Variants in CACNA2D3 observed in about 807,000 individuals in gnomAD.
CACNA2D3 encodes calcium voltage-gated channel auxiliary subunit alpha2delta 3.
CACNA2D3 carries 60 observed loss-of-function variants against 160.6 expected under a neutral mutation model. The observed-to-expected ratio is 0.37, with a 90% confidence interval of 0.30 to 0.46. The LOEUF is 0.46. Ranked by LOEUF, CACNA2D3 falls within the 20% of genes least tolerant of loss-of-function variation. The pLI is 1.00. For synonymous variants in CACNA2D3, 558 were observed against 492.9 expected (o/e 1.13, Z -1.75); for missense variants, 1,205 against 1,365.0 (o/e 0.88, Z 1.85).
chr3:54,878,337 C>G (rs1485511961), intron 18 of CACNA2D3, among the ~76,000 whole-genome samples: 1 of 152,190 alleles, frequency 6.6e-6, no homozygotes, highest in African/African-American at 2.4e-5. Context: ...ACTGCGTCTG[C>G]TGTCCTCCTC....
intron 14 of CACNA2D3, among the ~76,000 whole-genome samples, chr3:54,823,735 T>TTG (rs1036458509): frequency 6.6e-6 from 1 of 152,096 alleles, no homozygotes; most frequent in African/African-American, 2.4e-5. Context: ...TATGCTCCTG[T>TTG]TGTGTGTGTG....
chr3:54,485,359 G>C (rs145399153), intron 4 of CACNA2D3, among the ~76,000 whole-genome samples: 33 of 152,132 alleles, frequency 2.2e-4, no homozygotes, highest in African/African-American at 8.0e-4. Context: ...AGGAAGTCTA[G>C]TTATTGGACA....
intron 9 of CACNA2D3, among the ~76,000 whole-genome samples, chr3:54,600,082 A>G (rs1371152858): frequency 6.6e-6 from 1 of 152,134 alleles, no homozygotes; most frequent in East Asian, 1.9e-4. Context: ...GGCATTTCCC[A>G]GGAAGGAGCT....
At chr3:54,486,632 T>G (rs944321739) in intron 4 of CACNA2D3, among the ~76,000 whole-genome samples, 6 of 152,188 alleles carry the variant, frequency 3.9e-5, no homozygotes, top group Non-Finnish European at 8.8e-5. Context: ...CTCAGAAGAA[T>G]GATCTCTGTG....
At chr3:54,380,638 C>T (rs575801148) in intron 3 of CACNA2D3, among the ~76,000 whole-genome samples, 75 of 151,890 alleles carry the variant, frequency 4.9e-4, no homozygotes, top group Non-Finnish European at 8.8e-4. Flanking sequence ...CTCGGGAGGC[C>T]GAGGCAGGAG....
At chr3:54,970,449 C>CCTCTCCTCTGCT (rs1702245236) in intron 29 of CACNA2D3, among the ~76,000 whole-genome samples, 1 of 57,348 alleles carries the variant, frequency 1.7e-5, no homozygotes, top group African/African-American at 6.6e-5. Flanking sequence ...CCTCCCCTCC[C>CCTCTCCTCTGCT]CTCCTCTCCT....
chr3:54,799,723 G>T (rs2106667404), intron 13 of CACNA2D3, among the ~76,000 whole-genome samples: 1 of 152,240 alleles, frequency 6.6e-6, no homozygotes, highest in Admixed American at 6.5e-5. Context: ...GTTTTCCTTG[G>T]AGGACCATTC....
At chr3:54,962,676 G>A (rs753081639) in intron 27 of CACNA2D3, among the ~76,000 whole-genome samples, 6 of 152,142 alleles carry the variant, frequency 3.9e-5, no homozygotes, top group East Asian at 3.9e-4. Context: ...ATCAGTTCTC[G>A]CAGCAAAACA....
intron 11 of CACNA2D3, among the ~76,000 whole-genome samples, chr3:54,719,809 C>A (rs1406565243): frequency 6.6e-6 from 1 of 151,974 alleles, no homozygotes; most frequent in Non-Finnish European, 1.5e-5. Flanking sequence ...GTTATAGATT[C>A]AATCACTTTA....
intron 26 of CACNA2D3, among the ~76,000 whole-genome samples, chr3:54,899,009 C>G (rs1281579274): frequency 6.6e-6 from 1 of 152,136 alleles, no homozygotes. Context: ...TTTCTCATTA[C>G]TTTGGTCCTA....
At chr3:54,174,430 T>C (rs1247916728) in intron 2 of CACNA2D3, among the ~76,000 whole-genome samples, 1 of 152,140 alleles carries the variant, frequency 6.6e-6, no homozygotes, top group African/African-American at 2.4e-5. Context: ...GCTGAGATGG[T>C]TTTTAAGTGG....
chr3:54,815,681 T>C (rs1484179076), intron 13 of CACNA2D3, among the ~76,000 whole-genome samples: 1 of 152,206 alleles, frequency 6.6e-6, no homozygotes, highest in African/African-American at 2.4e-5. Flanking sequence ...GTCCTATGAT[T>C]GTTTATCTAT....
At chr3:54,149,267 G>GCACACACACACACACACACA (rs3060363) in intron 2 of CACNA2D3, among the ~76,000 whole-genome samples, 10 of 144,328 alleles carry the variant, frequency 6.9e-5, no homozygotes, top group African/African-American at 2.3e-4. Flanking sequence ...GGTCCCATGT[G>GCACACACACACACACACACA]CACACACACA....
chr3:55,015,370 C>T (rs906296017), intron 34 of CACNA2D3, among the ~76,000 whole-genome samples: 1 of 152,170 alleles, frequency 6.6e-6, no homozygotes, highest in Non-Finnish European at 1.5e-5. Flanking sequence ...AACAACTGTT[C>T]ATACCTCATA....
intron 11 of CACNA2D3, among the ~76,000 whole-genome samples, chr3:54,644,335 G>C (rs568707200): frequency 6.6e-6 from 1 of 152,170 alleles, no homozygotes; most frequent in South Asian, 2.1e-4. Flanking sequence ...TAGCAAAAGG[G>C]TCTTCTTTTA....
chr3:54,900,850 C>A (rs1490983246), intron 27 of CACNA2D3, among the ~76,000 whole-genome samples: 1 of 152,096 alleles, frequency 6.6e-6, no homozygotes, highest in Non-Finnish European at 1.5e-5. Flanking sequence ...TTTTTCCCCC[C>A]ACTTTATTTC....
chr3:54,518,093 A>G (rs1701583063), intron 5 of CACNA2D3, among the ~76,000 whole-genome samples: 1 of 152,166 alleles, frequency 6.6e-6, no homozygotes, highest in Non-Finnish European at 1.5e-5. Context: ...ACATCTGCAG[A>G]GGCTTCTTTA....
chr3:55,051,121 A>G (rs554698665), intron 35 of CACNA2D3, among the ~76,000 whole-genome samples: 13 of 152,188 alleles, frequency 8.5e-5, no homozygotes, highest in South Asian at 4.2e-4. Flanking sequence ...GTCATTCTCC[A>G]TCCAGCTTTG....
chr3:54,766,632 T>C (rs1575465518), intron 13 of CACNA2D3, among the ~76,000 whole-genome samples: 1 of 152,150 alleles, frequency 6.6e-6, no homozygotes, highest in African/African-American at 2.4e-5. Context: ...CACAAAAATA[T>C]ATGCACAAGT....
Sources: allele counts gnomAD v4.1 joint callset (sites outside exome capture counted in the v4.1 genomes callset), GRCh38; gene constraint gnomAD v4.1.1; transcripts MANE v1.5; gene names NCBI Gene and HGNC (gene_info 2026-07-23, HGNC 2026-07-21).